LRP1B: variants seen among roughly 807,000 people sequenced by gnomAD.
LRP1B encodes the protein low-density lipoprotein receptor-related protein 1B.
Under a neutral mutation model 556.6 loss-of-function variants are expected in LRP1B, and 217 were observed. The observed-to-expected ratio is 0.39, with a 90% CI of 0.35 to 0.44. The LOEUF (loss-of-function observed/expected upper bound fraction) is 0.44. Ranked by LOEUF, LRP1B falls within the 20% of genes least tolerant of loss-of-function variation. The probability of loss-of-function intolerance (pLI) is 1.00; values close to 1 mark genes in which losing one functional copy is unlikely to be tolerated. For missense variants in LRP1B, 5,053 were observed against 5,620.8 expected, an observed-to-expected ratio of 0.90 and a Z score of 3.23; for synonymous variants, 2,047 against 1,865.8, an observed-to-expected ratio of 1.10 and a Z score of -2.50.
intron 24 of LRP1B, 21 bp from the exon 25 acceptor site, chr2:140,884,042 A>G (rs1693557941): frequency 6.2e-7 from 1 of 1,606,028 alleles, no homozygotes; most frequent in Non-Finnish European, 8.5e-7. Context: ...AGGAAAACCA[A>G]CATGTGCACC....
At chr2:141,557,647 A>G (rs1686008780) in intron 2 of LRP1B, among the ~76,000 whole-genome samples, 1 of 151,918 alleles carries the variant, frequency 6.6e-6, no homozygotes, top group Non-Finnish European at 1.5e-5. Flanking sequence ...AGATCCAGAC[A>G]TCCTTAGAAA....
chr2:141,055,816 G>GTT (rs1196608937), intron 9 of LRP1B, among the ~76,000 whole-genome samples: 1 of 151,128 alleles, frequency 6.6e-6, no homozygotes, highest in Non-Finnish European at 1.5e-5. Context: ...GTGTGTGTGT[G>GTT]TGTGTGTGTG....
chr2:141,508,862 A>G (rs6708438), intron 2 of LRP1B, among the ~76,000 whole-genome samples: 148,255 of 152,174 alleles, frequency 0.97, 72,332 homozygotes, highest in East Asian at 1. Context: ...CTCATAGTCA[A>G]TGGAGGTTAT....
chr2:140,414,544 C>T (rs1685099736), intron 66 of LRP1B, among the ~76,000 whole-genome samples: 1 of 152,038 alleles, frequency 6.6e-6, no homozygotes, highest in African/African-American at 2.4e-5. Flanking sequence ...TGTGGGAAGT[C>T]AGGGACCCCG....
chr2:140,434,062 T>G (rs1457678320), intron 66 of LRP1B, among the ~76,000 whole-genome samples: 1 of 139,158 alleles, frequency 7.2e-6, no homozygotes, highest in Non-Finnish European at 1.7e-5. Flanking sequence ...TTTCTTTCTT[T>G]TATTTATTTA....
At chr2:140,826,324 G>A (rs190480365) in intron 31 of LRP1B, among the ~76,000 whole-genome samples, 1 of 152,152 alleles carries the variant, frequency 6.6e-6, no homozygotes, top group Non-Finnish European at 1.5e-5. Flanking sequence ...ATGTCTGTGT[G>A]GGTTTTCTCT....
At chr2:140,508,396 T>C (rs1040716557) in intron 52 of LRP1B, among the ~76,000 whole-genome samples, 4 of 152,168 alleles carry the variant, frequency 2.6e-5, no homozygotes, top group African/African-American at 9.7e-5. Context: ...ACATTGCCTA[T>C]AGCCCCCTCT....
At position 140,687,106 on chromosome 2, in the gene LRP1B, G is replaced by A. The variant is rs533251717; in HGVS notation, c.6799+13144C>T. Among the ~76,000 whole-genome samples, 30 of 152,240 alleles carry A rather than the reference G, an allele frequency of 2.0e-4. 1 individual carries two copies. The South Asian group carries it at 5.4e-3, about 27-fold the overall frequency. On this transcript the variant is annotated intron_variant, in intron 41 of 90. Coordinates refer to ENST00000389484, the MANE Select transcript of LRP1B (RefSeq NM_018557.3). ...GGAACACTAAGTTCAAGGACGTTGG[G>A]TAGAGCAGTGACATAGAGTGATGAG...
At chr2:142,022,686 T>A (rs1703374937) in intron 1 of LRP1B, among the ~76,000 whole-genome samples, 2 of 152,136 alleles carry the variant, frequency 1.3e-5, no homozygotes, top group Admixed American at 6.5e-5. Context: ...TTATTTATTT[T>A]TTGAGATGGA....
At chr2:140,909,276 A>T (rs1319341144) in intron 21 of LRP1B, among the ~76,000 whole-genome samples, 1 of 152,178 alleles carries the variant, frequency 6.6e-6, no homozygotes. Flanking sequence ...TCTTATAAAA[A>T]TAAGTGGGGC....
At chr2:142,125,932 G>C (rs1707633038) in intron 1 of LRP1B, among the ~76,000 whole-genome samples, 1 of 151,810 alleles carries the variant, frequency 6.6e-6, no homozygotes, top group Non-Finnish European at 1.5e-5. Flanking sequence ...GGGAAGCCAG[G>C]TTTCTTGAAG....
rs149910682 is a variant in LRP1B, at chr2:141,575,950, C to T, written c.206-95417G>A. On this transcript the variant is annotated intron_variant, in intron 2 of 90. Coordinates refer to ENST00000389484, the MANE Select transcript of LRP1B (RefSeq NM_018557.3). ...TTAGTCAGGAAATAATAGATGCTGG[C>T]GAGGCTGTGGAGAAATAGGAATGCT... 2.1e-3 allele frequency among the ~76,000 whole-genome samples: 319 copies of T among 152,016 alleles called. 2 individuals are homozygous for T. Among genetic ancestry groups the T allele is most frequent in the East Asian group, 0.021 (106 of 5,146 alleles).
rs187360659 is a variant in LRP1B at position 141,001,948 on chromosome 2, T to C, written c.2503+3387A>G. On this transcript the variant is annotated intron_variant, in intron 15 of 90. Transcript: ENST00000389484. ...CTAGCAAATGTACACATAAAGCATA[T>C]CTTTTCTCCCAGTAACTAAGATAAG... Among the ~76,000 whole-genome samples, 3 of 152,218 alleles carry C rather than the reference T, an allele frequency of 2.0e-5. No homozygotes were observed. The East Asian group carries it at 5.8e-4, about 29-fold the overall frequency.
At chr2:140,501,955 TCATTAA>T (rs1689216944) in intron 54 of LRP1B, 81 bp from the exon 55 acceptor site, 1 of 948,550 alleles carries the variant, frequency 1.1e-6, no homozygotes, top group African/African-American at 1.7e-5. Flanking sequence ...TTCACAAATA[TCATTAA>T]CTCAGGTGTC....
At chr2:141,085,041 A>AACTTTCAGTT (rs1700019034) in intron 7 of LRP1B, among the ~76,000 whole-genome samples, 1 of 151,508 alleles carries the variant, frequency 6.6e-6, no homozygotes, top group Admixed American at 6.6e-5. Flanking sequence ...AAGTTTTCAA[A>AACTTTCAGTT]CCTTAAATTC....
At chr2:141,266,197 G>A (rs901237743) in intron 3 of LRP1B, among the ~76,000 whole-genome samples, 8 of 151,760 alleles carry the variant, frequency 5.3e-5, no homozygotes, top group Admixed American at 5.3e-4. Context: ...GATGGCAGGC[G>A]CCTGTAAAAC....
At chr2:140,807,961 G>T (rs967675823) in intron 32 of LRP1B, among the ~76,000 whole-genome samples, 4 of 152,072 alleles carry the variant, frequency 2.6e-5, no homozygotes, top group East Asian at 1.9e-4. Context: ...GTGTAATGGC[G>T]CATGCCTGTA....
chr2:140,639,939 C>T (rs1249676835), intron 41 of LRP1B, among the ~76,000 whole-genome samples: 1 of 152,126 alleles, frequency 6.6e-6, no homozygotes, highest in Non-Finnish European at 1.5e-5. Context: ...CTTCCTGGAG[C>T]ATTTATTCCC....
chr2:141,590,961 A>T (rs1196252749), intron 2 of LRP1B, among the ~76,000 whole-genome samples: 15 of 152,124 alleles, frequency 9.9e-5, no homozygotes, highest in Non-Finnish European at 2.1e-4. Context: ...AAAGTCTTTG[A>T]CAAGTTTTCC....
Sources: gnomAD v4.1 joint callset for allele counts (sites outside exome capture counted in the v4.1 genomes callset) on GRCh38, gnomAD v4.1.1 for gene constraint, MANE v1.5 for transcripts, NCBI Gene and HGNC (gene_info 2026-07-23, HGNC 2026-07-21) for gene names.